Variants in TMCC2 observed in about 807,000 individuals in gnomAD.
TMCC2 encodes the protein transmembrane and coiled-coil domain family 2.
A neutral mutation model predicts 49.4 loss-of-function variants in TMCC2; 16 were observed. The observed-to-expected ratio is 0.32, with a 90% confidence interval of 0.22 to 0.49. TMCC2 has a LOEUF of 0.49. Ranked by LOEUF, TMCC2 falls within the 20% of genes least tolerant of loss-of-function variation. The probability of loss-of-function intolerance (pLI) is 0.99; values close to 1 mark genes in which losing one functional copy is unlikely to be tolerated. For synonymous variants in TMCC2, 397 were observed against 434.1 expected, an observed-to-expected ratio of 0.91 and a Z score of 1.06; for missense variants, 762 against 989.8, an observed-to-expected ratio of 0.77 and a Z score of 3.09.
chr1:205,269,414 G>C lies in TMCC2; in HGVS notation c.1212G>C (p.Glu404Asp). 1.2e-6 allele frequency: 2 copies of C among 1,605,900 alleles called. No individual in the cohort carries two copies. Among genetic ancestry groups the C allele is most frequent in the Middle Eastern group, 1.7e-4 (1 of 6,042 alleles). Residue 404 changes from glutamate to aspartate, a missense_variant, in exon 3 of 5, where the codon GAG becomes GAC. Physicochemically the swap from Glu to Asp is conservative, Grantham distance 45. Transcript: ENST00000358024. ...GCGGCTTTGGGGGCGGCGTGGTGGAGGGCGTCAAGGGCAGCCTCTCTGGCC... is the reference window on the plus strand; with the variant it reads ...GCGGCTTTGGGGGCGGCGTGGTGGACGGCGTCAAGGGCAGCCTCTCTGGCC... The part of the protein sequence containing the change: ...GISGFGGGVV[E>D]GVKGSLSGLS...
rs775935174 is a variant in TMCC2 at position 205,269,496 on chromosome 1, A to G, written c.1294A>G (p.Ile432Val). 8.7e-6 allele frequency: 14 copies of G among 1,608,990 alleles called. No individual in the cohort carries two copies. The Admixed American group carries it at 2.2e-4, about 25-fold the overall frequency. ...VSKPREFASL[I>V]RNKFGSADNI... ...CAAGCCCCGGGAGTTTGCCAGCCTC[A>G]TCCGCAACAAGTTTGGCAGTGCTGA... The change falls in exon 3 of 5, where the codon ATC becomes GTC. Residue 432 changes from isoleucine (I) to valine (V), a missense_variant. Around this residue, in one of 2 missense-constraint regions of TMCC2, gnomAD observed 440 missense variants for 636.7 expected, o/e 0.69. Coordinates refer to ENST00000358024, the MANE Select transcript of TMCC2 (RefSeq NM_014858.4).
chr1:205,241,430 T>C lies in TMCC2; in HGVS notation c.208-75T>C. 1 of 1,486,968 alleles carries C rather than the reference T, an allele frequency of 6.7e-7. No individual in the cohort carries two copies. Among genetic ancestry groups the C allele is most frequent in the Non-Finnish European group, 9.2e-7 (1 of 1,088,432 alleles). The allele number at this position is 1,486,968 out of a possible 1,614,324, so 92.1% of individuals were successfully genotyped here. ...TGCCAGTCTACCAAGGACAGACCCT[T>C]CACCTTCACCCTCCTACTGACTAGG... On this transcript the variant is annotated intron_variant, in intron 1 of 4. Transcript: ENST00000358024. The surrounding 1 kb of genome is among the most constrained non-coding windows in gnomAD (Gnocchi z 7.3).
chr1:205,248,456 A>G (rs1042209704), intron 2 of TMCC2, among the ~76,000 whole-genome samples: 1 of 152,202 alleles, frequency 6.6e-6, no homozygotes, highest in African/African-American at 2.4e-5. Flanking sequence ...GCTTTCTAGT[A>G]TGTATGCGAC....
intron 1 of TMCC2, among the ~76,000 whole-genome samples, chr1:205,240,182 C>T (rs1395414282): frequency 6.6e-6 from 1 of 152,226 alleles, no homozygotes; most frequent in African/African-American, 2.4e-5. Context: ...CTTCCAACAG[C>T]TCCAAAGCTC....
chr1:205,254,502 C>T (rs1660786051), intron 2 of TMCC2, among the ~76,000 whole-genome samples: 1 of 152,170 alleles, frequency 6.6e-6, no homozygotes, highest in Non-Finnish European at 1.5e-5. Flanking sequence ...TAAAGACGAG[C>T]AGGCTTAGAA....
chr1:205,254,463 T>G (rs1386903919), intron 2 of TMCC2, among the ~76,000 whole-genome samples: 1 of 152,156 alleles, frequency 6.6e-6, no homozygotes, highest in Admixed American at 6.5e-5. Context: ...CTCTGCATCC[T>G]TGGCAGATTT....
chr1:205,244,339 G>C (rs540255321), intron 2 of TMCC2, among the ~76,000 whole-genome samples: 1 of 152,176 alleles, frequency 6.6e-6, no homozygotes, highest in Non-Finnish European at 1.5e-5. Context: ...TAGGTGAAAG[G>C]GTGTGAGATC....
Position 205,241,885 on chromosome 1 carries a change from C to T in TMCC2, c.588C>T (p.His196=). The part of the protein sequence containing the change: ...SSLEPQRGSP[H]LLRKAPQDSS... ...TGGAGCCCCAGCGTGGCAGCCCTCA[C>T]CTGCTGCGCAAGGCCCCCCAGGACA... The change falls in exon 2 of 5, where the codon CAC becomes CAT. Residue 196 remains histidine, a synonymous_variant. Coordinates refer to ENST00000358024, the MANE Select transcript of TMCC2 (RefSeq NM_014858.4). The surrounding 1 kb of genome is among the most constrained non-coding windows in gnomAD (Gnocchi z 7.3). 6.2e-7 allele frequency: 1 copy of T among 1,607,096 alleles called. No homozygotes were observed. Among genetic ancestry groups the T allele is most frequent in the Non-Finnish European group, 8.5e-7 (1 of 1,178,322 alleles).
intron 1 of TMCC2, among the ~76,000 whole-genome samples, chr1:205,232,948 A>G (rs1241025839): frequency 2.4e-4 from 36 of 147,204 alleles, no homozygotes; most frequent in Admixed American, 6.3e-4. Context: ...AAAAAAAAAA[A>G]AAAAAAAAAA....
intron 2 of TMCC2, among the ~76,000 whole-genome samples, chr1:205,247,898 G>A (rs1338669859): frequency 6.6e-6 from 1 of 151,936 alleles, no homozygotes; most frequent in African/African-American, 2.4e-5. Flanking sequence ...AGCTGTCCTG[G>A]AGAGGCTCAC....
intron 2 of TMCC2, among the ~76,000 whole-genome samples, chr1:205,248,961 G>C (rs1358051995): frequency 6.6e-6 from 1 of 152,196 alleles, no homozygotes; most frequent in Non-Finnish European, 1.5e-5. Context: ...CTCCTGCAGT[G>C]TGGCTGAGAA....
Position 205,272,149 on chromosome 1 carries a change from C to A in TMCC2, c.*25C>A, listed in dbSNP as rs1052125984. The A allele has an allele frequency of 3.1e-6, 5 of 1,600,852 alleles. No individual in the cohort carries two copies. Among genetic ancestry groups the A allele is most frequent in the African/African-American group, 1.3e-5 (1 of 74,704 alleles). Reference sequence around the variant, plus strand: ...AGTGGCCAGCCACACCAACCCTGTGCTCTCTGGCCCCCAGCTGGCCACACT... The same window carrying A: ...AGTGGCCAGCCACACCAACCCTGTGATCTCTGGCCCCCAGCTGGCCACACT... On this transcript the variant is annotated 3_prime_UTR_variant, in exon 5 of 5. Coordinates refer to ENST00000358024, the MANE Select transcript of TMCC2 (RefSeq NM_014858.4).
At position 205,269,211 on chromosome 1, in the gene TMCC2, G is replaced by A. The variant is rs955983640; in HGVS notation, c.1009G>A (p.Glu337Lys). 6 of 1,613,960 alleles carry A rather than the reference G, an allele frequency of 3.7e-6. No homozygotes were observed. The highest frequency in any genetic ancestry group is 1.3e-5 in the African/African-American group (1 of 74,932). Residue 337 changes from glutamate to lysine, a missense_variant, in exon 3 of 5, where the codon GAG becomes AAG. By Grantham distance (56) the Glu-to-Lys change is moderately conservative (BLOSUM62 1). Transcript: ENST00000358024. ...GGTGTCACGCATCAAGCAAGTGTTC[G>A]AGAAGAAGAACCAGAAGTCAGCCCA... The part of the protein sequence containing the change: ...QQVSRIKQVF[E>K]KKNQKSAQTI...
At chr1:205,256,344 C>T in intron 2 of TMCC2, 2 of 1,550,726 alleles carry the variant, frequency 1.3e-6, no homozygotes, top group Non-Finnish European at 8.7e-7. Context: ...GGACCTCTGT[C>T]CCCCTCTGCT....
intron 1 of TMCC2, among the ~76,000 whole-genome samples, chr1:205,235,027 G>A (rs1035740384): frequency 2.0e-5 from 3 of 152,152 alleles, no homozygotes; most frequent in African/African-American, 7.2e-5. Context: ...TTTCTAAATG[G>A]GGGAAGTGAG....
At chr1:205,259,070 CT>C (rs1218253761) in intron 2 of TMCC2, among the ~76,000 whole-genome samples, 1 of 152,196 alleles carries the variant, frequency 6.6e-6, no homozygotes, top group Non-Finnish European at 1.5e-5. Flanking sequence ...CTGCACAGGC[CT>C]GGGCCTGCTT....
In TMCC2 at chr1:205,228,636, C is replaced by T; in HGVS notation, c.72C>T (p.Ala24=). 3 of 1,613,164 alleles carry T rather than the reference C, an allele frequency of 1.9e-6. No individual in the cohort carries two copies. The highest frequency in any genetic ancestry group is 2.5e-6 in the Non-Finnish European group (3 of 1,179,782). The change falls in exon 1 of 5, where the codon GCC becomes GCT. Residue 24 remains alanine, a synonymous_variant. Coordinates refer to ENST00000358024, the MANE Select transcript of TMCC2 (RefSeq NM_014858.4). Reference sequence around the variant, plus strand: ...AGGATGGAGCTGGGCTGGAAGATGCCGCTTCCCACCTGCCGGGCGCGGACC... The same window carrying T: ...AGGATGGAGCTGGGCTGGAAGATGCTGCTTCCCACCTGCCGGGCGCGGACC... ...GEEDGAGLED[A]ASHLPGADLR...
At position 205,269,194 on chromosome 1, in the gene TMCC2, G is replaced by A. The variant is rs1661473497; in HGVS notation, c.992G>A (p.Arg331His). ...ANNADKQQVS[R>H]IKQVFEKKNQ... is the part of the protein sequence containing the mutation. ...AACGCGGACAAGCAGCAGGTGTCAC[G>A]CATCAAGCAAGTGTTCGAGAAGAAG... Residue 331 changes from arginine to histidine, a missense_variant, in exon 3 of 5, where the codon CGC becomes CAC. This residue lies in a region of TMCC2 where 440 missense variants were observed against 636.7 expected (regional missense o/e 0.69). Transcript: ENST00000358024. The A allele has an allele frequency of 1.2e-6, 2 of 1,613,996 alleles. No individual in the cohort carries two copies. Among genetic ancestry groups the A allele is most frequent in the Non-Finnish European group, 1.7e-6 (2 of 1,180,044 alleles).
At chr1:205,267,598 C>A (rs1661394484) in intron 2 of TMCC2, among the ~76,000 whole-genome samples, 1 of 152,188 alleles carries the variant, frequency 6.6e-6, no homozygotes, top group Non-Finnish European at 1.5e-5. Context: ...CTCCAACAGG[C>A]TGAGAGGAAC....
Sources: allele counts gnomAD v4.1 joint callset (sites outside exome capture counted in the v4.1 genomes callset), GRCh38; gene constraint gnomAD v4.1.1; regional missense constraint gnomAD v4.1.1; non-coding constraint Gnocchi (gnomAD v3.1); transcripts MANE v1.5; gene names NCBI Gene and HGNC (gene_info 2026-07-23, HGNC 2026-07-21).